The following SRGAP1 variants were observed in gnomAD, a reference collection of about 807,000 sequenced individuals.
SRGAP1 encodes the protein SLIT-ROBO Rho GTPase-activating protein 1.
SRGAP1 carries 43 observed loss-of-function variants against 121.9 expected under a neutral mutation model. The observed-to-expected ratio is 0.35, with a 90% CI of 0.28 to 0.46. The LOEUF (loss-of-function observed/expected upper bound fraction) is 0.46. Ranked by LOEUF, SRGAP1 falls within the 20% of genes least tolerant of loss-of-function variation. The probability of loss-of-function intolerance (pLI) is 1.00; values close to 1 mark genes in which losing one functional copy is unlikely to be tolerated. For synonymous variants in SRGAP1, 447 were observed against 485.4 expected (o/e 0.92, Z 1.04); for missense variants, 1,102 against 1,350.9 (o/e 0.82, Z 2.89).
chr12:64,000,602 C>T (rs150549064), intron 3 of SRGAP1, among the ~76,000 whole-genome samples: 1 of 152,198 alleles, frequency 6.6e-6, no homozygotes, highest in East Asian at 1.9e-4. Flanking sequence ...ATCAGAGTGA[C>T]ACCCTGTCTA....
intron 10 of SRGAP1, chr12:64,080,767 C>T (rs1018003085): frequency 1.1e-4 from 28 of 265,246 alleles, no homozygotes; most frequent in Middle Eastern, 1.4e-3. Flanking sequence ...TTTTAATGGG[C>T]GAGTATTTGT....
chr12:63,885,199 C>T (rs1039703427), intron 1 of SRGAP1, among the ~76,000 whole-genome samples: 7 of 152,142 alleles, frequency 4.6e-5, no homozygotes, highest in Non-Finnish European at 5.9e-5. Flanking sequence ...GTCCAGGCCT[C>T]CAGAACCTCT....
intron 10 of SRGAP1, chr12:64,080,656 A>C (rs2035821119): frequency 2.2e-6 from 1 of 463,732 alleles, no homozygotes; most frequent in Admixed American, 3.4e-5. Context: ...CTGATCGTAG[A>C]AAAGTCTGGA....
At chr12:64,122,765 G>A (rs1414083837) in intron 18 of SRGAP1, among the ~76,000 whole-genome samples, 2 of 152,098 alleles carry the variant, frequency 1.3e-5, no homozygotes, top group Non-Finnish European at 2.9e-5. Context: ...GGGCATGGTG[G>A]CACGTGCCTG....
chr12:63,877,736 C>A (rs1900074338), intron 1 of SRGAP1, among the ~76,000 whole-genome samples: 2 of 152,288 alleles, frequency 1.3e-5, no homozygotes, highest in South Asian at 4.1e-4. Context: ...GTTTCAGGGT[C>A]AGAGAGTGTT....
chr12:63,874,666 T>C (rs561295109), intron 1 of SRGAP1, among the ~76,000 whole-genome samples: 2 of 152,272 alleles, frequency 1.3e-5, no homozygotes, highest in South Asian at 2.1e-4. Context: ...TCCTTCTTTA[T>C]GTGTTTATTT....
At chr12:64,118,392 C>T (rs2036555368) in intron 18 of SRGAP1, among the ~76,000 whole-genome samples, 1 of 152,084 alleles carries the variant, frequency 6.6e-6, no homozygotes, top group African/African-American at 2.4e-5. Flanking sequence ...ACCTCAGCCT[C>T]CCAAGTAGCT....
chr12:63,927,123 C>T (rs757835749), intron 1 of SRGAP1, among the ~76,000 whole-genome samples: 9 of 152,122 alleles, frequency 5.9e-5, no homozygotes, highest in South Asian at 2.1e-4. Context: ...TATATACATA[C>T]GTATTTCATC....
rs1428558880 is a variant in SRGAP1 at position 64,146,415 on chromosome 12, A to G, written c.*3743A>G. On this transcript the variant is annotated 3_prime_UTR_variant, in exon 22 of 22. Coordinates refer to ENST00000355086, the MANE Select transcript of SRGAP1 (RefSeq NM_020762.4). Reference sequence around the variant, plus strand: ...GGGGGTTTATAATTTAAAGAAAAGGAAAAGAGGCGTGGGTTGGTAGTTGTG... The same window carrying G: ...GGGGGTTTATAATTTAAAGAAAAGGGAAAGAGGCGTGGGTTGGTAGTTGTG... 1 of 152,190 alleles carries G rather than the reference A, an allele frequency of 6.6e-6. No homozygotes were observed. Among genetic ancestry groups the G allele is most frequent in the Non-Finnish European group, 1.5e-5 (1 of 68,036 alleles). The allele number at this position is 152,190 out of a possible 1,614,324, so 9.4% of individuals were successfully genotyped here. A position where few individuals can be genotyped will look rare whatever the true frequency, so the allele number is the denominator to read the frequency against.
chr12:64,142,309 G>C lies in SRGAP1; in HGVS notation c.2895G>C (p.Thr965=). ...TTCTTCAATAGGATATTGAAGAAAC[G>C]ATGAACACAGCTTTGAATGAACTCC... The part of the protein sequence containing the change: ...PETIAQDIEE[T]MNTALNELRE... Residue 965 remains threonine (T), a synonymous_variant, in exon 22 of 22, where the codon ACG becomes ACC. Transcript: ENST00000355086. 2 of 1,613,212 alleles carry C rather than the reference G, an allele frequency of 1.2e-6. No homozygotes were observed. Among genetic ancestry groups the C allele is most frequent in the Admixed American group, 3.3e-5 (2 of 59,966 alleles).
intron 1 of SRGAP1, among the ~76,000 whole-genome samples, chr12:63,930,917 T>C (rs2031454754): frequency 6.6e-6 from 1 of 152,172 alleles, no homozygotes. Flanking sequence ...ATGTAACTAA[T>C]TTTGTTTATC....
At chr12:64,096,423 A>G (rs1270525175) in intron 14 of SRGAP1, among the ~76,000 whole-genome samples, 3 of 152,190 alleles carry the variant, frequency 2.0e-5, no homozygotes, top group African/African-American at 7.2e-5. Context: ...ACTGTAAATA[A>G]AAAACAGAAT....
chr12:64,104,047 C>T (rs2036300708), intron 15 of SRGAP1, among the ~76,000 whole-genome samples: 1 of 152,138 alleles, frequency 6.6e-6, no homozygotes, highest in Non-Finnish European at 1.5e-5. Flanking sequence ...TGTCTTCATA[C>T]CTAAGGAGAA....
At chr12:64,011,831 G>C (rs2034260637) in intron 3 of SRGAP1, among the ~76,000 whole-genome samples, 1 of 152,078 alleles carries the variant, frequency 6.6e-6, no homozygotes, top group Non-Finnish European at 1.5e-5. Context: ...AATCATAATG[G>C]TGGGCCAAGT....
At chr12:63,854,512 A>G (rs1008004923) in intron 1 of SRGAP1, among the ~76,000 whole-genome samples, 2 of 152,242 alleles carry the variant, frequency 1.3e-5, no homozygotes, top group African/African-American at 4.8e-5. Flanking sequence ...GATAAAATAC[A>G]AAATGAATTG....
intron 1 of SRGAP1, among the ~76,000 whole-genome samples, chr12:63,864,947 A>G (rs1441716327): frequency 1.3e-5 from 2 of 152,156 alleles, no homozygotes; most frequent in African/African-American, 4.8e-5. Context: ...CTTGTTGGCT[A>G]AAATAGAGAT....
chr12:64,071,268 A>G (rs1424670753), intron 8 of SRGAP1, among the ~76,000 whole-genome samples: 1 of 152,178 alleles, frequency 6.6e-6, no homozygotes, highest in African/African-American at 2.4e-5. Flanking sequence ...TGGGTATAAA[A>G]ATGAGTCCTG....
Position 63,844,937 on chromosome 12 carries a change from C to A in SRGAP1, c.67+54C>A. 6.5e-7 allele frequency: 1 copy of A among 1,545,004 alleles called. No homozygotes were observed. Among genetic ancestry groups the A allele is most frequent in the Non-Finnish European group, 9.0e-7 (1 of 1,116,990 alleles). On this transcript the variant is annotated intron_variant, in intron 1 of 21. Coordinates refer to ENST00000355086, the MANE Select transcript of SRGAP1 (RefSeq NM_020762.4). The surrounding 1 kb of genome is among the most constrained non-coding windows in gnomAD (Gnocchi z 4.3). ...TTTTGTGTGCCTTCTTGTCATTGTG[C>A]TCGTGGAGTTGCGTATCTAACTTGG...
Position 64,043,520 on chromosome 12 carries a change from C to A in SRGAP1, c.746C>A (p.Ala249Asp). 1 of 1,612,026 alleles carries A rather than the reference C, an allele frequency of 6.2e-7. No individual in the cohort carries two copies. The highest frequency in any genetic ancestry group is 8.5e-7 in the Non-Finnish European group (1 of 1,178,682). Residue 249 changes from alanine (A) to aspartate (D), a missense_variant, in exon 6 of 22, where the codon GCC becomes GAC. This residue lies in a region of SRGAP1 where 747 missense variants were observed against 929.4 expected (regional missense o/e 0.80). Transcript: ENST00000355086. The part of the protein sequence containing the change: ...ARNEYLLTLE[A>D]TNASVFKYYI... ...AACGAATATCTCCTAACACTTGAAG[C>A]CACCAATGCCTCAGTTTTCAAGTAC...
Sources: gnomAD v4.1 joint callset for allele counts (sites outside exome capture counted in the v4.1 genomes callset) on GRCh38, gnomAD v4.1.1 for gene constraint, gnomAD v4.1.1 regional missense constraint, Gnocchi (gnomAD v3.1) non-coding constraint, MANE v1.5 for transcripts, NCBI Gene and HGNC (gene_info 2026-07-23, HGNC 2026-07-21) for gene names.